Variants in NFIL3 observed in about 807,000 individuals in gnomAD.
The protein encoded by NFIL3 is nuclear factor interleukin-3-regulated protein.
A neutral mutation model predicts 10.0 loss-of-function variants in NFIL3; 5 were observed. The observed-to-expected ratio is 0.50, with a 90% CI of 0.26 to 1.06. NFIL3 has a LOEUF of 1.06. NFIL3 is among the 50% of genes least tolerant of loss of function. The pLI is 0.13. For missense variants in NFIL3, 436 were observed against 547.6 expected (o/e 0.80, Z 2.03); for synonymous variants, 202 against 206.5 (o/e 0.98, Z 0.19).
chr9:91,425,007 G>T (rs977599652), upstream of NFIL3, among the ~76,000 whole-genome samples: 1 of 152,148 alleles, frequency 6.6e-6, no homozygotes, highest in Non-Finnish European at 1.5e-5. Context: ...TGCGTTTACC[G>T]ATACACGGAT....
the NFIL3 span, among the ~76,000 whole-genome samples, chr9:91,433,991 C>A: frequency 6.6e-6 from 1 of 151,774 alleles, no homozygotes; most frequent in African/African-American, 2.4e-5. Flanking sequence ...CTAACAGAAG[C>A]CAAACAAGTA....
At chr9:91,426,740 A>C (rs1038190036), upstream of NFIL3, 1 of 152,208 alleles carries the variant, frequency 6.6e-6, no homozygotes, top group Non-Finnish European at 1.5e-5. Flanking sequence ...GAATGACTAA[A>C]ACAGTGACTT....
chr9:91,460,686 C>A, the NFIL3 span, among the ~76,000 whole-genome samples: 1 of 152,028 alleles, frequency 6.6e-6, no homozygotes, highest in Admixed American at 6.6e-5. Context: ...AAGGGTTTTC[C>A]CTGGGGGAGT....
chr9:91,442,461 C>T, the NFIL3 span, among the ~76,000 whole-genome samples: 1 of 152,150 alleles, frequency 6.6e-6, no homozygotes, highest in Non-Finnish European at 1.5e-5. Context: ...CTGCTGGGCT[C>T]GTTCTGCCCA....
At chr9:91,424,392 C>T (rs559240247), upstream of NFIL3, among the ~76,000 whole-genome samples, 1 of 152,206 alleles carries the variant, frequency 6.6e-6, no homozygotes, top group African/African-American at 2.4e-5. Context: ...CGCACACTCC[C>T]GAGAGGAGCC....
chr9:91,423,366 G>C (rs1833807813), intron 1 of NFIL3, among the ~76,000 whole-genome samples: 1 of 152,160 alleles, frequency 6.6e-6, no homozygotes, highest in Non-Finnish European at 1.5e-5. Flanking sequence ...TTATGCAACA[G>C]CAGCGGGGGG....
At chr9:91,431,223 T>TC in the NFIL3 span, among the ~76,000 whole-genome samples, 2 of 152,120 alleles carry the variant, frequency 1.3e-5, no homozygotes, top group East Asian at 1.9e-4. Flanking sequence ...ATGCTTTTTT[T>TC]CCCCCAAATG....
rs138701854 is a variant in NFIL3 at position 91,421,081 on chromosome 9, T to C, written c.-173+2559A>G. ...AGACGCGCTTGGTTCCGAAATACAA[T>C]GAAGACTCTTGGAACAAAGGTGTCT... is the stretch of plus-strand genomic sequence containing the variant. On this transcript the variant is annotated intron_variant, in intron 1 of 1. Transcript: ENST00000297689. 2.1e-3 allele frequency among the ~76,000 whole-genome samples: 324 copies of C among 152,242 alleles called. 2 individuals carry two copies. Among genetic ancestry groups the C allele is most frequent in the African/African-American group, 7.6e-3 (315 of 41,560 alleles).
chr9:91,430,794 T>A, the NFIL3 span, among the ~76,000 whole-genome samples: 1 of 152,104 alleles, frequency 6.6e-6, no homozygotes, highest in Non-Finnish European at 1.5e-5. Flanking sequence ...TACAGGTGCA[T>A]GCCAACACAC....
the NFIL3 span, among the ~76,000 whole-genome samples, chr9:91,443,056 T>C: frequency 6.6e-6 from 1 of 152,104 alleles, no homozygotes; most frequent in Non-Finnish European, 1.5e-5. Flanking sequence ...AGACCTAAAG[T>C]GGGTAGCTCC....
the NFIL3 span, among the ~76,000 whole-genome samples, chr9:91,433,498 G>A: frequency 1.3e-5 from 2 of 152,182 alleles, no homozygotes; most frequent in East Asian, 3.8e-4. Context: ...TGATGGCAGG[G>A]GTGGCTAACT....
At chr9:91,417,277 A>T (rs1388192139) in intron 1 of NFIL3, among the ~76,000 whole-genome samples, 2 of 152,214 alleles carry the variant, frequency 1.3e-5, no homozygotes, top group African/African-American at 2.4e-5. Context: ...TATAATACAG[A>T]TAACAGTAAA....
At chr9:91,427,627 T>C (rs1410255612), upstream of NFIL3, among the ~76,000 whole-genome samples, 2 of 150,036 alleles carry the variant, frequency 1.3e-5, no homozygotes, top group African/African-American at 2.5e-5. Flanking sequence ...TTTTTGTTGT[T>C]GTTGTTGTTG....
chr9:91,439,543 A>G, the NFIL3 span, among the ~76,000 whole-genome samples: 1 of 152,110 alleles, frequency 6.6e-6, no homozygotes, highest in Admixed American at 6.5e-5. Flanking sequence ...AACTTCCAGT[A>G]CTATGCTGAC....
the NFIL3 span, among the ~76,000 whole-genome samples, chr9:91,466,288 A>G: frequency 6.6e-6 from 1 of 152,136 alleles, no homozygotes; most frequent in Admixed American, 6.6e-5. Flanking sequence ...AACAACACAG[A>G]CCCTTCTGAA....
Position 91,410,613 on chromosome 9 carries a change from G to A in NFIL3, c.122C>T (p.Thr41Ile), listed in dbSNP as rs1444938234. ...ALTEVSEDST[T>I]GEELLLSEGS... The stretch of plus-strand genomic sequence containing the variant: ...TTCACTGAGAAGCAGCTCCTCACCT[G>A]TTGTGGAGTCTTCTGACACTTCCGT... Residue 41 changes from threonine to isoleucine, a missense_variant, in exon 2 of 2, where the codon ACA becomes ATA. By Grantham distance (89) the Thr-to-Ile change is moderately conservative. This residue lies in a region of NFIL3 where 76 missense variants were observed against 73.0 expected (regional missense o/e 1.04). Transcript: ENST00000297689. The surrounding 1 kb of genome is among the most constrained non-coding windows in gnomAD (Gnocchi z 5.7). 8 of 1,614,208 alleles carry A rather than the reference G, an allele frequency of 5.0e-6. No homozygotes were observed. The highest frequency in any genetic ancestry group is 5.9e-6 in the Non-Finnish European group (7 of 1,180,044).
chr9:91,447,067 C>T, the NFIL3 span, among the ~76,000 whole-genome samples: 24 of 152,142 alleles, frequency 1.6e-4, no homozygotes, highest in African/African-American at 5.3e-4. Flanking sequence ...CTGCTTGCCT[C>T]GGCCTCCCAA....
At chr9:91,451,473 G>T in the NFIL3 span, among the ~76,000 whole-genome samples, 2 of 152,124 alleles carry the variant, frequency 1.3e-5, no homozygotes, top group Admixed American at 1.3e-4. Context: ...CTAGCATTGT[G>T]CCTGGCAGAT....
chr9:91,431,470 G>C, the NFIL3 span, among the ~76,000 whole-genome samples: 1 of 152,156 alleles, frequency 6.6e-6, no homozygotes, highest in Non-Finnish European at 1.5e-5. Flanking sequence ...CATATATTAA[G>C]ATGTTTCATC....
Sources: gnomAD v4.1 joint callset for allele counts (sites outside exome capture counted in the v4.1 genomes callset) on GRCh38, gnomAD v4.1.1 for gene constraint, gnomAD v4.1.1 regional missense constraint, Gnocchi (gnomAD v3.1) non-coding constraint, MANE v1.5 for transcripts, NCBI Gene and HGNC (gene_info 2026-07-23, HGNC 2026-07-21) for gene names.